The following SLC24A2 variants were observed in gnomAD, a reference collection of about 807,000 sequenced individuals.
SLC24A2 encodes solute carrier family 24 member 2.
A neutral mutation model predicts 62.0 loss-of-function variants in SLC24A2; 36 were observed. The observed-to-expected ratio is 0.58, with a 90% CI of 0.44 to 0.77. SLC24A2 has a LOEUF of 0.77. Among genes scored for constraint, SLC24A2 ranks in the 30% least tolerant of loss-of-function variants. The probability of loss-of-function intolerance (pLI) is 0.00; values close to 1 mark genes in which losing one functional copy is unlikely to be tolerated. For synonymous variants in SLC24A2, 358 were observed against 294.0 expected (o/e 1.22, Z -2.23); for missense variants, 846 against 817.9 (o/e 1.03, Z -0.42).
At chr9:19,544,584 T>A (rs1834454417) in intron 8 of SLC24A2, among the ~76,000 whole-genome samples, 1 of 152,292 alleles carries the variant, frequency 6.6e-6, no homozygotes, top group East Asian at 1.9e-4. Flanking sequence ...TTCCTCTCCA[T>A]GTTTAGTGTT....
chr9:19,969,559 G>C, the SLC24A2 span, among the ~76,000 whole-genome samples: 1,901 of 152,254 alleles, frequency 0.012, 49 homozygotes, highest in African/African-American at 0.042. Flanking sequence ...TCCACAGTAA[G>C]TTCCACCTTC....
the SLC24A2 span, among the ~76,000 whole-genome samples, chr9:20,048,739 A>G: frequency 6.6e-6 from 1 of 152,032 alleles, no homozygotes; most frequent in Non-Finnish European, 1.5e-5. Context: ...AATTCCTTTT[A>G]GTACATTAAA....
At chr9:19,841,302 G>A in the SLC24A2 span, among the ~76,000 whole-genome samples, 1 of 152,162 alleles carries the variant, frequency 6.6e-6, no homozygotes, top group South Asian at 2.1e-4. Flanking sequence ...AATAGGGAGT[G>A]TGAGGTGTCC....
At chr9:20,013,610 A>G in the SLC24A2 span, among the ~76,000 whole-genome samples, 1 of 152,242 alleles carries the variant, frequency 6.6e-6, no homozygotes, top group Non-Finnish European at 1.5e-5. Context: ...AACAATTAAC[A>G]AAATGAACAG....
At chr9:19,876,363 G>GGT in the SLC24A2 span, among the ~76,000 whole-genome samples, 1 of 114,576 alleles carries the variant, frequency 8.7e-6, no homozygotes, top group Non-Finnish European at 1.9e-5. Context: ...GTTTATTGAA[G>GGT]GCGTGTGTGT....
At chr9:19,759,251 G>A (rs1388207340) in intron 2 of SLC24A2, among the ~76,000 whole-genome samples, 1 of 152,130 alleles carries the variant, frequency 6.6e-6, no homozygotes, top group Non-Finnish European at 1.5e-5. Flanking sequence ...ATCTTGTTTT[G>A]AATTTCTACA....
chr9:19,656,791 C>T (rs189197659), intron 2 of SLC24A2, among the ~76,000 whole-genome samples: 4 of 152,308 alleles, frequency 2.6e-5, no homozygotes, highest in Admixed American at 2.0e-4. Flanking sequence ...AGTTGAAATG[C>T]GTCAGTTTCT....
At position 19,728,075 on chromosome 9, in the gene SLC24A2, G is replaced by C. The variant is rs75118964; in HGVS notation, c.930+57862C>G. 9.5e-3 allele frequency among the ~76,000 whole-genome samples: 1,454 copies of C among 152,256 alleles called. 27 individuals carry two copies. Among genetic ancestry groups the C allele is most frequent in the African/African-American group, 0.033 (1,389 of 41,560 alleles). On this transcript the variant is annotated intron_variant, in intron 2 of 10. Transcript: ENST00000341998. ...GAAGTGGGGACTGGGAGTGGGATTA[G>C]GTGTGTCGGCTGTGGAGGCCATGAC...
chr9:19,794,171 C>T, the SLC24A2 span, among the ~76,000 whole-genome samples: 1 of 152,192 alleles, frequency 6.6e-6, no homozygotes, highest in African/African-American at 2.4e-5. Context: ...TTTTCTTATT[C>T]ACTTACGAGG....
chr9:20,273,722 A>G, the SLC24A2 span, among the ~76,000 whole-genome samples: 1 of 152,202 alleles, frequency 6.6e-6, no homozygotes, highest in African/African-American at 2.4e-5. Flanking sequence ...AGTCTCAGGT[A>G]TGTCTTTATT....
intron 4 of SLC24A2, among the ~76,000 whole-genome samples, chr9:19,606,564 A>G (rs1288447247): frequency 2.0e-5 from 3 of 152,238 alleles, no homozygotes; most frequent in Non-Finnish European, 4.4e-5. Flanking sequence ...GGGGGCCTGT[A>G]AAGGAGAACA....
the SLC24A2 span, among the ~76,000 whole-genome samples, chr9:20,244,471 G>A: frequency 2.6e-5 from 4 of 152,184 alleles, no homozygotes; most frequent in African/African-American, 9.7e-5. Flanking sequence ...ACTGCGCCCT[G>A]TGAAATGCAT....
chr9:20,105,979 G>C, the SLC24A2 span, among the ~76,000 whole-genome samples: 4 of 151,854 alleles, frequency 2.6e-5, no homozygotes, highest in African/African-American at 9.7e-5. Flanking sequence ...AAAGAGAGAA[G>C]AATCAAATAG....
the SLC24A2 span, among the ~76,000 whole-genome samples, chr9:19,999,805 A>G: frequency 6.6e-6 from 1 of 152,224 alleles, no homozygotes; most frequent in Non-Finnish European, 1.5e-5. Context: ...AGGGGGACCC[A>G]GGAGGCACAA....
chr9:19,619,511 C>T lies in SLC24A2; in HGVS notation c.1078+73G>A, dbSNP rs1885220. The T allele has an allele frequency of 0.74, 852,065 of 1,151,916 alleles. 316,865 individuals are homozygous for T. Among genetic ancestry groups the T allele is most frequent in the East Asian group, 0.89 (38,174 of 42,672 alleles). 71.4% of individuals were successfully genotyped at this position (1,151,916 alleles called of 1,614,324 possible). ...GGCGTGCATGACGACAGCACAAACACGTTTTATGCAGAGAAGCCTTTTGGC... is the reference window on the plus strand; with the variant it reads ...GGCGTGCATGACGACAGCACAAACATGTTTTATGCAGAGAAGCCTTTTGGC... On this transcript the variant is annotated intron_variant, in intron 4 of 10. Coordinates refer to ENST00000341998, the MANE Select transcript of SLC24A2 (RefSeq NM_020344.4).
At chr9:19,726,241 A>G (rs993251560) in intron 2 of SLC24A2, among the ~76,000 whole-genome samples, 16 of 152,192 alleles carry the variant, frequency 1.1e-4, no homozygotes, top group African/African-American at 3.9e-4. Flanking sequence ...CTCAATAGGT[A>G]GTCTTCTTGC....
intron 1 of SLC24A2, chr9:19,788,617 C>T: frequency 1.0e-6 from 1 of 985,454 alleles, no homozygotes; most frequent in Non-Finnish European, 1.2e-6. Flanking sequence ...GGAATGGAAG[C>T]GCCCCTCTGC....
At chr9:20,190,155 T>C in the SLC24A2 span, among the ~76,000 whole-genome samples, 8 of 152,182 alleles carry the variant, frequency 5.3e-5, no homozygotes, top group African/African-American at 1.9e-4. Flanking sequence ...AGAGGCAAAA[T>C]GAGCTTGTAT....
At chr9:20,063,358 C>T in the SLC24A2 span, among the ~76,000 whole-genome samples, 10 of 150,482 alleles carry the variant, frequency 6.6e-5, no homozygotes, top group African/African-American at 2.2e-4. Flanking sequence ...TGGATGAAAT[C>T]GGAAATCATC....
Sources: allele counts gnomAD v4.1 joint callset (sites outside exome capture counted in the v4.1 genomes callset), GRCh38; gene constraint gnomAD v4.1.1; transcripts MANE v1.5; gene names NCBI Gene and HGNC (gene_info 2026-07-23, HGNC 2026-07-21).